Variants in PRDM7 observed in about 807,000 individuals in gnomAD.
PRDM7 encodes PR/SET domain 7.
A neutral mutation model predicts 64.3 loss-of-function variants in PRDM7; 52 were observed. The observed-to-expected ratio is 0.81, with a 90% CI of 0.65 to 1.02. The LOEUF is 1.02. Ranked by LOEUF, PRDM7 falls within the 50% of genes least tolerant of loss-of-function variation. The probability of loss-of-function intolerance (pLI) is 0.00; values close to 1 mark genes in which losing one functional copy is unlikely to be tolerated. For synonymous variants in PRDM7, 192 were observed against 210.1 expected (o/e 0.91, Z 0.74); for missense variants, 574 against 597.1 (o/e 0.96, Z 0.40).
intron 4 of PRDM7, among the ~76,000 whole-genome samples, chr16:90,070,557 C>T (rs1468818470): frequency 1.3e-5 from 2 of 151,076 alleles, no homozygotes; most frequent in East Asian, 1.9e-4. Context: ...GAACTCCAGC[C>T]TGTGGCAACA....
At chr16:90,066,383 C>T (rs1243682404) in intron 5 of PRDM7, among the ~76,000 whole-genome samples, 2 of 151,054 alleles carry the variant, frequency 1.3e-5, no homozygotes, top group Non-Finnish European at 2.9e-5. Context: ...ATCAATTGGA[C>T]GAATGATGTA....
At chr16:90,061,023 C>T (rs1386306017) in intron 9 of PRDM7, among the ~76,000 whole-genome samples, 1 of 152,194 alleles carries the variant, frequency 6.6e-6, no homozygotes, top group Non-Finnish European at 1.5e-5. Context: ...GGCCCAATAA[C>T]ATAGAACAGT....
chr16:90,068,892 G>C (rs2037917979), intron 4 of PRDM7, among the ~76,000 whole-genome samples: 1 of 151,212 alleles, frequency 6.6e-6, no homozygotes, highest in South Asian at 2.1e-4. Context: ...GACATCCTGT[G>C]TTCGTGGATT....
At position 90,075,351 on chromosome 16, in the gene PRDM7, C is replaced by T. The variant is rs1358586095; in HGVS notation, c.193G>A (p.Gly65Ser). 2 of 1,614,106 alleles carry T rather than the reference C, an allele frequency of 1.2e-6. No homozygotes were observed. Among genetic ancestry groups the T allele is most frequent in the Admixed American group, 1.7e-5 (1 of 60,010 alleles). ...GTCTGTGCCCAGCACTTCCTGTTAC[C>T]TACAGTAATCAGTGCATTATAGTTC... The part of the protein sequence containing the change: ...KMNYNALITV[G>S]LRATRPAFMC... The change falls in exon 3 of 11, where the codon GGT becomes AGT. Residue 65 changes from glycine to serine, a missense_variant and splice_region_variant. Gly to Ser is a moderately conservative substitution (Grantham distance 56). Coordinates refer to ENST00000449207, the MANE Select transcript of PRDM7 (RefSeq NM_001098173.2). This position sits in a 1 kb window ranked among gnomAD's most constrained non-coding sequence, Gnocchi z 4.3.
intron 4 of PRDM7, among the ~76,000 whole-genome samples, chr16:90,069,047 G>C (rs776074102): frequency 6.6e-6 from 1 of 151,252 alleles, no homozygotes; most frequent in Non-Finnish European, 1.5e-5. Context: ...ACCCAGAATA[G>C]CCGAAACAAT....
chr16:90,076,681 G>T (rs1196085273), intron 1 of PRDM7, among the ~76,000 whole-genome samples: 12 of 152,068 alleles, frequency 7.9e-5, no homozygotes, highest in Non-Finnish European at 1.8e-4. Flanking sequence ...GAAGAGATCT[G>T]GGGTGCTCTA....
Position 90,060,536 on chromosome 16 carries a change from G to A in PRDM7, c.1038C>T (p.Val346=). 5.0e-6 allele frequency: 8 copies of A among 1,613,984 alleles called. No homozygotes were observed. The highest frequency in any genetic ancestry group is 5.1e-6 in the Non-Finnish European group (6 of 1,179,948). ...CCAGCAGTTCACAGCCTGGCCTAAT[G>A]ACTCGGCAGGTTCTATAGAAGATCT... The part of the protein sequence containing the change: ...HRQIFYRTCR[V]IRPGCELLVW... Residue 346 remains valine (V), a synonymous_variant, in exon 10 of 11, where the codon GTC becomes GTT. Transcript: ENST00000449207.
At position 90,075,188 on chromosome 16, in the gene PRDM7, A is replaced by G. The variant is rs1185784596; in HGVS notation, c.193+163T>C. 6.6e-6 allele frequency among the ~76,000 whole-genome samples: 1 copy of G among 152,214 alleles called. No individual in the cohort carries two copies. The highest frequency in any genetic ancestry group is 1.9e-4 in the East Asian group (1 of 5,200). ...ACCTCTGCATGGTCAGTATCCACAC[A>G]CAACCCTGCACTGACGCAAAAGAAC... is the stretch of plus-strand genomic sequence containing the variant. On this transcript the variant is annotated intron_variant, in intron 3 of 10. Coordinates refer to ENST00000449207, the MANE Select transcript of PRDM7 (RefSeq NM_001098173.2). The surrounding 1 kb of genome is among the most constrained non-coding windows in gnomAD (Gnocchi z 4.3).
In PRDM7 at chr16:90,063,565, T is replaced by C. The variant is rs778890673; in HGVS notation, c.508+47A>G. The C allele has an allele frequency of 2.3e-5, 37 of 1,602,360 alleles. No individual in the cohort carries two copies. The African/African-American group carries it at 4.3e-4, about 19-fold the overall frequency. Reference sequence around the variant, plus strand: ...ATAGGTAGACCATACTCACCAACCTTTCTAGAGGACATAGAGGGACTAAAT... The same window carrying C: ...ATAGGTAGACCATACTCACCAACCTCTCTAGAGGACATAGAGGGACTAAAT... On this transcript the variant is annotated intron_variant, in intron 6 of 10. Transcript: ENST00000449207.
At chr16:90,066,794 C>T in intron 5 of PRDM7, 67 bp downstream of exon 5, 1 of 1,397,160 alleles carries the variant, frequency 7.2e-7, no homozygotes, top group Non-Finnish European at 1.0e-6. Context: ...TGTACATTCT[C>T]CTTCTCTTAC....
chr16:90,061,377 T>C (rs2037773596), intron 9 of PRDM7, 75 bp downstream of exon 9: 2 of 1,451,940 alleles, frequency 1.4e-6, no homozygotes, highest in East Asian at 4.5e-5. Context: ...GAGGGAGGCA[T>C]AATGAGAAGG....
rs2037821331 is a variant in PRDM7, at chr16:90,063,669, G to C, written c.451C>G (p.Pro151Ala). The C allele has an allele frequency of 1.1e-5, 18 of 1,614,098 alleles. No individual in the cohort carries two copies. Among genetic ancestry groups the C allele is most frequent in the Non-Finnish European group, 1.5e-5 (18 of 1,180,028 alleles). ...CTTGCTTCTCCAGGAGGGGACACTG[G>C]TTTCTGAGCCTGCTCTGAGTCACTT... ...NTSDSEQAQKPVSPPGEASTS... is the reference protein window; with the variant it reads ...NTSDSEQAQKAVSPPGEASTS... The change falls in exon 6 of 11, where the codon CCA (proline) becomes GCA (alanine). Residue 151 changes from proline to alanine, a missense_variant. Transcript: ENST00000449207.
rs751815424 is a variant in PRDM7 at position 90,058,279 on chromosome 16, G to A, written c.*10C>T. 3.7e-6 allele frequency: 6 copies of A among 1,614,132 alleles called. No homozygotes were observed. The Admixed American group carries it at 1.0e-4, about 27-fold the overall frequency. On this transcript the variant is annotated 3_prime_UTR_variant, in exon 11 of 11. Coordinates refer to ENST00000449207, the MANE Select transcript of PRDM7 (RefSeq NM_001098173.2). ...GGCCCTTGAAATCTCCCTCTGCCAT[G>A]TCCTTTTATTCAAGAGTTTGGACCT...
Position 90,075,267 on chromosome 16 carries a change from G to C in PRDM7, c.193+84C>G. ...CAAAAGGGAATTGTGGGCAGATGCC[G>C]CCACCTGATAATTAAAATAATATAG... On this transcript the variant is annotated intron_variant, in intron 3 of 10. Coordinates refer to ENST00000449207, the MANE Select transcript of PRDM7 (RefSeq NM_001098173.2). The surrounding 1 kb of genome is among the most constrained non-coding windows in gnomAD (Gnocchi z 4.3). The C allele has an allele frequency of 6.2e-7, 1 of 1,603,396 alleles. No individual in the cohort carries two copies. The highest frequency in any genetic ancestry group is 2.2e-5 in the East Asian group (1 of 44,802).
intron 10 of PRDM7, among the ~76,000 whole-genome samples, chr16:90,059,829 G>C (rs1319985086): frequency 6.6e-6 from 1 of 152,250 alleles, no homozygotes; most frequent in African/African-American, 2.4e-5. Context: ...ATGTCTGTGT[G>C]TATTCGTACG....
chr16:90,062,466 C>A lies in PRDM7; in HGVS notation c.545G>T (p.Ser182Ile). The change falls in exon 7 of 11, where the codon AGC (serine) becomes ATC (isoleucine). Residue 182 changes from serine to isoleucine, a missense_variant. Ser to Ile is a moderately radical substitution (Grantham distance 142, BLOSUM62 -2). Transcript: ENST00000449207. ...TGCATGACCCTTTCTTTCTCGCAGG[C>A]TATACATCTTTCCTTCAGTCTCCTT... is the stretch of plus-strand genomic sequence containing the variant. Reference protein sequence around the residue: ...RRKETEGKMYSLRERKGHAYK... With the variant: ...RRKETEGKMYILRERKGHAYK... 1 of 1,614,170 alleles carries A rather than the reference C, an allele frequency of 6.2e-7. No homozygotes were observed. The highest frequency in any genetic ancestry group is 1.1e-5 in the South Asian group (1 of 91,078).
intron 6 of PRDM7, among the ~76,000 whole-genome samples, chr16:90,063,012 C>T (rs2151307191): frequency 6.6e-6 from 1 of 152,270 alleles, no homozygotes; most frequent in Admixed American, 6.5e-5. Flanking sequence ...TACATGAGCT[C>T]TATATACTTG....
chr16:90,059,076 G>A (rs939460488), intron 10 of PRDM7, among the ~76,000 whole-genome samples: 1 of 152,212 alleles, frequency 6.6e-6, no homozygotes, highest in Admixed American at 6.5e-5. Flanking sequence ...AAAGAGATGT[G>A]TTAGCAAATC....
chr16:90,073,162 C>T (rs1045012358), intron 4 of PRDM7, among the ~76,000 whole-genome samples: 1 of 152,002 alleles, frequency 6.6e-6, no homozygotes, highest in Admixed American at 6.5e-5. Flanking sequence ...AGAATCGAGA[C>T]AAAGAAGTAG....
Sources: gnomAD v4.1 joint callset for allele counts (sites outside exome capture counted in the v4.1 genomes callset) on GRCh38, gnomAD v4.1.1 for gene constraint, Gnocchi (gnomAD v3.1) non-coding constraint, MANE v1.5 for transcripts, NCBI Gene and HGNC (gene_info 2026-07-23, HGNC 2026-07-21) for gene names.